Variants in GPAT3 observed in about 807,000 individuals in gnomAD.
The protein encoded by GPAT3 is glycerol-3-phosphate acyltransferase 3, also known as 1-AGP acyltransferase 9.
A neutral mutation model predicts 58.8 loss-of-function variants in GPAT3; 53 were observed. The observed-to-expected ratio is 0.90, with a 90% CI of 0.72 to 1.13. The LOEUF (loss-of-function observed/expected upper bound fraction) is 1.13, where lower values mean the gene tolerates loss of function less well. Among genes scored for constraint, GPAT3 ranks in the 50% most tolerant of loss-of-function variants. GPAT3 has a pLI of 0.00. For synonymous variants in GPAT3, 197 were observed against 187.4 expected, an observed-to-expected ratio of 1.05 and a Z score of -0.42; for missense variants, 511 against 527.6, an observed-to-expected ratio of 0.97 and a Z score of 0.31.
intron 3 of GPAT3, among the ~76,000 whole-genome samples, chr4:83,583,672 A>G (rs2110099819): frequency 6.9e-6 from 1 of 145,010 alleles, no homozygotes; most frequent in Admixed American, 6.8e-5. Flanking sequence ...TGTCTGAAAA[A>G]AAAAAAAAAA....
chr4:83,591,789 CA>C (rs1352176758), intron 6 of GPAT3, among the ~76,000 whole-genome samples: 2 of 152,142 alleles, frequency 1.3e-5, no homozygotes, highest in African/African-American at 4.8e-5. Context: ...CTTAGGCAAC[CA>C]ATCTGCCTAA....
chr4:83,603,907 A>G (rs56918169), intron 11 of GPAT3, among the ~76,000 whole-genome samples: 4,500 of 152,206 alleles, frequency 0.03, 225 homozygotes, highest in African/African-American at 0.1. Flanking sequence ...TTACCCACAC[A>G]TATACAGTAC....
At chr4:83,566,419 T>TTTA (rs10688921) in intron 2 of GPAT3, among the ~76,000 whole-genome samples, 52,844 of 143,350 alleles carry the variant, frequency 0.37, 9,743 homozygotes, top group Middle Eastern at 0.45. Context: ...AATTAATTAA[T>TTTA]TTATTATTAT....
At chr4:83,579,085 T>TTCTTTCTTTCTTC (rs1560621503) in intron 2 of GPAT3, among the ~76,000 whole-genome samples, 1 of 61,834 alleles carries the variant, frequency 1.6e-5, no homozygotes, top group Non-Finnish European at 3.8e-5. Context: ...TTTCTTCCCT[T>TTCTTTCTTTCTTC]CCTTCCTTCC....
chr4:83,604,267 C>G (rs904462331), intron 11 of GPAT3, among the ~76,000 whole-genome samples: 2 of 152,088 alleles, frequency 1.3e-5, no homozygotes, highest in African/African-American at 4.8e-5. Context: ...GACAGGGTTT[C>G]ACTATGTTGG....
intron 2 of GPAT3, among the ~76,000 whole-genome samples, chr4:83,557,098 T>C (rs768689101): frequency 6.6e-6 from 1 of 152,142 alleles, no homozygotes; most frequent in Non-Finnish European, 1.5e-5. Context: ...CTCCAAATAC[T>C]CTGACATTGG....
intron 11 of GPAT3, among the ~76,000 whole-genome samples, chr4:83,604,311 T>C (rs1727176817): frequency 6.6e-6 from 1 of 152,208 alleles, no homozygotes; most frequent in Non-Finnish European, 1.5e-5. Context: ...TCTCAGGTGA[T>C]CCACCCACCT....
chr4:83,587,200 G>A (rs1419147001), intron 3 of GPAT3, 55 bp from the exon 4 acceptor site: 1 of 1,451,330 alleles, frequency 6.9e-7, no homozygotes, highest in Admixed American at 2.0e-5. Context: ...GAACTTTTTG[G>A]TTACTTCCAT....
chr4:83,585,073 A>G (rs888120201), intron 3 of GPAT3, among the ~76,000 whole-genome samples: 16 of 152,250 alleles, frequency 1.1e-4, no homozygotes, highest in African/African-American at 3.1e-4. Context: ...GCAAGATGGC[A>G]AAACATTATT....
At chr4:83,578,775 T>C (rs1006573386) in intron 2 of GPAT3, among the ~76,000 whole-genome samples, 2 of 151,692 alleles carry the variant, frequency 1.3e-5, no homozygotes, top group African/African-American at 4.9e-5. Flanking sequence ...TAAACCTCTT[T>C]TGGAGATGGT....
At position 83,581,636 on chromosome 4, in the gene GPAT3, G is replaced by A; in HGVS notation, c.283G>A (p.Asp95Asn). 1 of 1,614,156 alleles carries A rather than the reference G, an allele frequency of 6.2e-7. No individual in the cohort carries two copies. The highest frequency in any genetic ancestry group is 8.5e-7 in the Non-Finnish European group (1 of 1,180,020). Residue 95 changes from aspartate to asparagine, a missense_variant, in exon 3 of 12, where the codon GAC (aspartate) becomes AAC (asparagine). Asp to Asn is a conservative substitution (Grantham distance 23). Coordinates refer to ENST00000264409, the MANE Select transcript of GPAT3 (RefSeq NM_032717.5). ...ACGAGGAAGGGACTTTGAGCTGTCT[G>A]ACGTGTTTTATTTCTCCAAGAAGGG... ...GLRGRDFELS[D>N]VFYFSKKGLE...
intron 2 of GPAT3, among the ~76,000 whole-genome samples, chr4:83,548,150 C>T (rs563255872): frequency 6.6e-6 from 1 of 152,340 alleles, no homozygotes; most frequent in Admixed American, 6.5e-5. Context: ...GCTAGAGCCA[C>T]AGCATAGAAG....
intron 1 of GPAT3, among the ~76,000 whole-genome samples, chr4:83,537,591 ATGTGTG>A (rs113407081): frequency 0.035 from 5,045 of 145,246 alleles, 297 homozygotes; most frequent in African/African-American, 0.12. Context: ...TATGTATAAT[ATGTGTG>A]TGTGTGTGTG....
intron 2 of GPAT3, among the ~76,000 whole-genome samples, chr4:83,559,013 A>G (rs550537809): frequency 1.3e-5 from 2 of 152,348 alleles, no homozygotes; most frequent in African/African-American, 4.8e-5. Flanking sequence ...GAAATAAAAG[A>G]ATTATATTGT....
intron 1 of GPAT3, among the ~76,000 whole-genome samples, chr4:83,538,964 G>T (rs1724196469): frequency 6.6e-6 from 1 of 152,178 alleles, no homozygotes; most frequent in Admixed American, 6.5e-5. Context: ...AGCCAGCTCT[G>T]ATTTGTTGGT....
At chr4:83,598,307 A>G (rs1726926242) in intron 10 of GPAT3, 128 bp downstream of exon 10, 2 of 1,241,518 alleles carry the variant, frequency 1.6e-6, no homozygotes, top group Non-Finnish European at 2.2e-6. Flanking sequence ...TTTTTTAATG[A>G]TGTATTTAGC....
chr4:83,536,365 C>G lies in GPAT3; in HGVS notation c.-258C>G. ...GGCTCGCGCTACCCAGGTCTCCGCACGCCGCGGTGGCTTCAGCCCAGACCT... is the reference window on the plus strand; with the variant it reads ...GGCTCGCGCTACCCAGGTCTCCGCAGGCCGCGGTGGCTTCAGCCCAGACCT... On this transcript the variant is annotated 5_prime_UTR_variant, in exon 1 of 12. Coordinates refer to ENST00000264409, the MANE Select transcript of GPAT3 (RefSeq NM_032717.5). 8.2e-7 allele frequency: 1 copy of G among 1,223,222 alleles called. No homozygotes were observed. The highest frequency in any genetic ancestry group is 1.0e-6 in the Non-Finnish European group (1 of 978,234). 75.8% of individuals were successfully genotyped at this position (1,223,222 alleles called of 1,614,324 possible).
chr4:83,559,480 C>T (rs1164962698), intron 2 of GPAT3, among the ~76,000 whole-genome samples: 2 of 152,116 alleles, frequency 1.3e-5, no homozygotes, highest in Non-Finnish European at 2.9e-5. Flanking sequence ...CATGCTGCCA[C>T]GCCTGGCTAA....
upstream of GPAT3, chr4:83,535,922 ACT>A: frequency 1.0e-6 from 1 of 983,798 alleles, no homozygotes. Context: ...TCAGATGAAA[ACT>A]CTCCTCCTGA....
Sources: gnomAD v4.1 joint callset for allele counts (sites outside exome capture counted in the v4.1 genomes callset) on GRCh38, gnomAD v4.1.1 for gene constraint, MANE v1.5 for transcripts, NCBI Gene and HGNC (gene_info 2026-07-23, HGNC 2026-07-21) for gene names.